FAM228A: variants seen among roughly 807,000 people sequenced by gnomAD.
FAM228A encodes protein FAM228A.
A neutral mutation model predicts 18.6 loss-of-function variants in FAM228A; 13 were observed. The ratio of observed to expected loss-of-function variants is 0.70; its 90% confidence interval spans 0.45 to 1.11. FAM228A has a LOEUF of 1.11. Among genes scored for constraint, FAM228A ranks in the 50% least tolerant of loss-of-function variants. FAM228A has a pLI of 0.00. For missense variants in FAM228A, 240 were observed against 242.2 expected (o/e 0.99, Z 0.06); for synonymous variants, 77 against 86.6 (o/e 0.89, Z 0.61).
At chr2:24,178,419 A>T (rs935805345) in intron 3 of FAM228A, among the ~76,000 whole-genome samples, 5 of 152,166 alleles carry the variant, frequency 3.3e-5, no homozygotes, top group East Asian at 1.9e-4. Context: ...CAAAAAAATT[A>T]AAAAATTAGC....
intron 3 of FAM228A, among the ~76,000 whole-genome samples, chr2:24,180,740 AGAGAGGCT>A (rs1667797487): frequency 6.6e-6 from 1 of 152,224 alleles, no homozygotes; most frequent in African/African-American, 2.4e-5. Flanking sequence ...CTCTCAGGCA[AGAGAGGCT>A]GTGCTTAGAG....
intron 3 of FAM228A, 128 bp from the exon 4 acceptor site, chr2:24,183,157 C>T (rs1347160504): frequency 7.3e-6 from 5 of 685,450 alleles, no homozygotes; most frequent in East Asian, 2.7e-5. Flanking sequence ...TTTCAACCCT[C>T]GCCCCCTCCT....
At chr2:24,175,727 C>T (rs1667667326) in intron 2 of FAM228A, 154 bp downstream of exon 2, 1 of 761,988 alleles carries the variant, frequency 1.3e-6, no homozygotes, top group Non-Finnish European at 2.1e-6. Flanking sequence ...CAGATTTGGC[C>T]GAGAGTGTGG....
intron 5 of FAM228A, among the ~76,000 whole-genome samples, chr2:24,185,335 C>T (rs1335865265): frequency 6.6e-6 from 1 of 152,076 alleles, no homozygotes; most frequent in East Asian, 1.9e-4. Context: ...TTTCCAGGTT[C>T]TCTATCCTAG....
chr2:24,179,383 AT>A, intron 3 of FAM228A: 1 of 252,866 alleles, frequency 4.0e-6, no homozygotes, highest in Non-Finnish European at 7.0e-6. Context: ...TTTCCAGCTT[AT>A]TTTTATATTT....
rs543460645 is a variant in FAM228A, at chr2:24,184,216, C to T, written c.401+571C>T. On this transcript the variant is annotated intron_variant, in intron 5 of 5. Coordinates refer to ENST00000295150, the MANE Select transcript of FAM228A (RefSeq NM_001040710.3). ...CCAACATGGTGAAACTCCATCTCTA[C>T]TAAAAATACAAAAATTAGCTGGGCA... 1.2e-4 allele frequency among the ~76,000 whole-genome samples: 19 copies of T among 152,162 alleles called. No individual in the cohort carries two copies. The South Asian group carries it at 3.7e-3, about 30-fold the overall frequency.
At chr2:24,188,145 A>G (rs987314099) in intron 5 of FAM228A, among the ~76,000 whole-genome samples, 5 of 151,092 alleles carry the variant, frequency 3.3e-5, no homozygotes, top group Non-Finnish European at 7.4e-5. Context: ...TTGTCTTTCC[A>G]TGTTTGGTTC....
intron 5 of FAM228A, among the ~76,000 whole-genome samples, chr2:24,189,774 G>C (rs897116980): frequency 6.6e-6 from 1 of 152,174 alleles, no homozygotes; most frequent in African/African-American, 2.4e-5. Context: ...TTGAGAGCAC[G>C]TGGCGAGGTG....
At position 24,183,643 on chromosome 2, in the gene FAM228A, C is replaced by G; in HGVS notation, c.399C>G (p.Tyr133Ter). The change falls in exon 5 of 6, where the codon TAC becomes TAG. Residue 133 changes from tyrosine to a stop codon, truncating the protein, a stop_gained and splice_region_variant. Transcript: ENST00000295150. LOFTEE classifies it low-confidence loss of function (END_TRUNC). Reference protein sequence around the residue: ...SARARSKTYKYSPEKLIYADK... With the variant: ...SARARSKTYK Reference sequence around the variant, plus strand: ...GAGCCAGGAGTAAAACTTACAAATACAGGTACAGATGAGCAGAACAAACAA... The same window carrying G: ...GAGCCAGGAGTAAAACTTACAAATAGAGGTACAGATGAGCAGAACAAACAA... The G allele has an allele frequency of 6.3e-7, 1 of 1,593,516 alleles. No homozygotes were observed. The highest frequency in any genetic ancestry group is 8.5e-7 in the Non-Finnish European group (1 of 1,171,080).
intron 3 of FAM228A, among the ~76,000 whole-genome samples, chr2:24,179,511 A>G (rs903256300): frequency 6.6e-6 from 1 of 152,218 alleles, no homozygotes; most frequent in Non-Finnish European, 1.5e-5. Context: ...GTAGACGTTA[A>G]TGGAGTTACT....
intron 3 of FAM228A, chr2:24,179,114 T>C (rs1372372900): frequency 9.7e-7 from 1 of 1,030,356 alleles, no homozygotes; most frequent in Non-Finnish European, 1.2e-6. Context: ...TCACTAGAGA[T>C]TGGATATGTA....
At chr2:24,184,952 A>G (rs1667909085) in intron 5 of FAM228A, among the ~76,000 whole-genome samples, 1 of 151,382 alleles carries the variant, frequency 6.6e-6, no homozygotes, top group Non-Finnish European at 1.5e-5. Flanking sequence ...CCTCCTGAGT[A>G]GCTGGGACTA....
chr2:24,186,749 C>T (rs1667958248), intron 5 of FAM228A, among the ~76,000 whole-genome samples: 1 of 152,040 alleles, frequency 6.6e-6, no homozygotes, highest in African/African-American at 2.4e-5. Context: ...AGTGATTCTC[C>T]TGCCTCAGCC....
chr2:24,179,220 T>G (rs1353493666), intron 3 of FAM228A: 2 of 1,021,270 alleles, frequency 2.0e-6, no homozygotes, highest in Admixed American at 9.1e-5. Flanking sequence ...CAGAGAATTA[T>G]GGAAAAAGTA....
Position 24,176,091 on chromosome 2 carries a change from C to A in FAM228A, c.93+518C>A, listed in dbSNP as rs908939838. 1.1e-5 allele frequency: 11 copies of A among 985,168 alleles called. No homozygotes were observed. In the African/African-American group the frequency reaches 1.9e-4, roughly 17 times the overall value. 61.0% of individuals were successfully genotyped at this position (985,168 alleles called of 1,614,324 possible). A position where few individuals can be genotyped will look rare whatever the true frequency, so the allele number is the denominator to read the frequency against. On this transcript the variant is annotated intron_variant, in intron 2 of 5. Transcript: ENST00000295150. ...ATGACCTTTTCCTTATATTTCCTGG[C>A]AAAATCACAAAGAAGAGCCATCAAA...
At chr2:24,176,428 G>C (rs1573799695) in intron 2 of FAM228A, among the ~76,000 whole-genome samples, 1 of 152,170 alleles carries the variant, frequency 6.6e-6, no homozygotes, top group African/African-American at 2.4e-5. Context: ...ATAGCTCTCT[G>C]TAACCTCAGA....
intron 2 of FAM228A, among the ~76,000 whole-genome samples, chr2:24,177,468 A>T (rs186994107): frequency 3.4e-3 from 514 of 152,274 alleles, no homozygotes; most frequent in Non-Finnish European, 4.5e-3. Flanking sequence ...ACACCTACTG[A>T]ATGCCTGAAA....
At chr2:24,190,304 C>A in intron 5 of FAM228A, 108 bp from the exon 6 acceptor site, 1 of 1,342,868 alleles carries the variant, frequency 7.4e-7, no homozygotes, top group Non-Finnish European at 9.9e-7. Flanking sequence ...TCAGTCGTTC[C>A]TTCTCAAAAG....
chr2:24,190,338 A>G, intron 5 of FAM228A, 74 bp from the exon 6 acceptor site: 1 of 1,464,664 alleles, frequency 6.8e-7, no homozygotes, highest in Non-Finnish European at 9.1e-7. Context: ...CATTGCATTA[A>G]TCTTCGGAAA....
Sources: gnomAD v4.1 joint callset for allele counts (sites outside exome capture counted in the v4.1 genomes callset) on GRCh38, gnomAD v4.1.1 for gene constraint, MANE v1.5 for transcripts, NCBI Gene and HGNC (gene_info 2026-07-23, HGNC 2026-07-21) for gene names.